Variants in ANO3 observed in about 807,000 individuals in gnomAD.
ANO3 encodes the protein anoctamin 3.
In ANO3, 99 loss-of-function variants were observed where a neutral mutation model predicts 144.8. The ratio of observed to expected loss-of-function variants is 0.68; its 90% CI spans 0.58 to 0.81. The LOEUF (loss-of-function observed/expected upper bound fraction) is 0.81, where lower values mean the gene tolerates loss of function less well. Among genes scored for constraint, ANO3 ranks in the 30% least tolerant of loss-of-function variants. ANO3 has a pLI of 0.00. For missense variants in ANO3, 905 were observed against 1,202.2 expected (o/e 0.75, Z 3.66); for synonymous variants, 414 against 392.6 (o/e 1.05, Z -0.64).
intron 14 of ANO3, chr11:26,561,107 G>T (rs1269962039): frequency 6.2e-7 from 1 of 1,612,240 alleles, no homozygotes; most frequent in Non-Finnish European, 8.5e-7. Context: ...CCATAGGAAT[G>T]CCATCACGTG....
At chr11:26,414,757 TTAA>T (rs1348627189) in intron 1 of ANO3, among the ~76,000 whole-genome samples, 33 of 79,536 alleles carry the variant, frequency 4.1e-4, no homozygotes, top group Admixed American at 5.3e-4. Flanking sequence ...TACAGTAAAG[TTAA>T]AAAAAAAAAA....
At chr11:26,605,826 C>A (rs528203907) in intron 17 of ANO3, among the ~76,000 whole-genome samples, 16 of 151,914 alleles carry the variant, frequency 1.1e-4, no homozygotes, top group Non-Finnish European at 2.2e-4. Flanking sequence ...ATTCTTCTCT[C>A]TTTTCGTCTT....
intron 4 of ANO3, among the ~76,000 whole-genome samples, chr11:26,503,592 A>G (rs966644378): frequency 6.6e-6 from 1 of 152,148 alleles, no homozygotes; most frequent in Non-Finnish European, 1.5e-5. Context: ...TCTACTTTTT[A>G]TCGTGTCTGT....
intron 1 of ANO3, among the ~76,000 whole-genome samples, chr11:26,362,961 C>T (rs1855966941): frequency 6.6e-6 from 1 of 152,110 alleles, no homozygotes; most frequent in Non-Finnish European, 1.5e-5. Flanking sequence ...TCCAAATATA[C>T]ATGTGTCAGT....
chr11:26,610,308 A>ATTT (rs34715952), intron 17 of ANO3, among the ~76,000 whole-genome samples: 21,162 of 129,952 alleles, frequency 0.16, 2,057 homozygotes, highest in Non-Finnish European at 0.23. Flanking sequence ...GATGTTGAGC[A>ATTT]TTTTTTTTTT....
intron 3 of ANO3, among the ~76,000 whole-genome samples, chr11:26,462,418 C>T (rs1356968884): frequency 1.3e-5 from 2 of 151,790 alleles, no homozygotes; most frequent in Non-Finnish European, 1.5e-5. Context: ...ATTCATTGTT[C>T]ATGTACATCC....
At chr11:26,413,419 A>G (rs1347619217) in intron 1 of ANO3, among the ~76,000 whole-genome samples, 1 of 152,022 alleles carries the variant, frequency 6.6e-6, no homozygotes, top group East Asian at 1.9e-4. Flanking sequence ...AAACTCTTAT[A>G]TGAAGATAAC....
At chr11:26,601,112 A>G (rs897195281) in intron 17 of ANO3, among the ~76,000 whole-genome samples, 53 of 152,340 alleles carry the variant, frequency 3.5e-4, no homozygotes, top group African/African-American at 1.3e-3. Context: ...TGAAACTGAG[A>G]TTCAAAGAGC....
At chr11:26,544,428 G>C (rs1849734854) in intron 11 of ANO3, among the ~76,000 whole-genome samples, 1 of 150,722 alleles carries the variant, frequency 6.6e-6, no homozygotes, top group African/African-American at 2.4e-5. Flanking sequence ...GTTACCGAAG[G>C]CTAGGGGTGG....
chr11:26,328,569 A>G (rs1243044305), upstream of ANO3, among the ~76,000 whole-genome samples: 2 of 152,202 alleles, frequency 1.3e-5, no homozygotes, highest in African/African-American at 4.8e-5. Flanking sequence ...TCAAAGGAAT[A>G]AAAAGTCTCC....
intron 4 of ANO3, among the ~76,000 whole-genome samples, chr11:26,481,319 G>A (rs1187226609): frequency 6.6e-6 from 1 of 151,974 alleles, no homozygotes; most frequent in Admixed American, 6.6e-5. Flanking sequence ...AGGAGGAGGA[G>A]GAGAGCAAGA....
chr11:26,618,828 G>A lies in ANO3; in HGVS notation c.1837-5634G>A, dbSNP rs865890903. On this transcript the variant is annotated intron_variant, in intron 17 of 26. Transcript: ENST00000256737. ...GCCATTCTTAATTTGTCTCCTTGGT[G>A]AATATCTCTTTATCTTTGAAAATTA... Among the ~76,000 whole-genome samples the A allele has an allele frequency of 2.0e-4, 30 of 152,226 alleles. 1 individual carries two copies. Among genetic ancestry groups the A allele is most frequent in the Middle Eastern group, 3.4e-3 (1 of 294 alleles).
chr11:26,261,942 G>A (rs975323402), intron 1 of ANO3, among the ~76,000 whole-genome samples: 2 of 152,198 alleles, frequency 1.3e-5, no homozygotes, highest in Admixed American at 1.3e-4. Context: ...AGCACCAGCT[G>A]TAAAAGGCTG....
At chr11:26,437,975 C>T (rs1858353926) in intron 1 of ANO3, among the ~76,000 whole-genome samples, 1 of 152,044 alleles carries the variant, frequency 6.6e-6, no homozygotes, top group African/African-American at 2.4e-5. Flanking sequence ...TGGAATTCAA[C>T]ATATTAAGAT....
rs148237644 is a variant in ANO3 at position 26,341,859 on chromosome 11, C to G, written c.46+9538C>G. On this transcript the variant is annotated intron_variant, in intron 1 of 26. Transcript: ENST00000256737. ...GAGTCTGATGTTCCAGGACAGGAAGCATCCAGCAAGGGAGAAAGATGAGGC... is the reference window on the plus strand; with the variant it reads ...GAGTCTGATGTTCCAGGACAGGAAGGATCCAGCAAGGGAGAAAGATGAGGC... 8.5e-3 allele frequency among the ~76,000 whole-genome samples: 1,301 copies of G among 152,266 alleles called. 9 individuals carry two copies. The highest frequency in any genetic ancestry group is 0.01 in the Non-Finnish European group (702 of 68,022).
intron 1 of ANO3, among the ~76,000 whole-genome samples, chr11:26,265,304 G>A (rs1375513179): frequency 6.6e-6 from 1 of 152,000 alleles, no homozygotes; most frequent in Non-Finnish European, 1.5e-5. Flanking sequence ...GACCCAGTAG[G>A]GTTATCACCT....
intron 1 of ANO3, among the ~76,000 whole-genome samples, chr11:26,262,626 G>A (rs531776332): frequency 6.6e-6 from 1 of 152,056 alleles, no homozygotes; most frequent in South Asian, 2.1e-4. Context: ...AACACCCAAT[G>A]TAATGGTATT....
chr11:26,408,832 G>A (rs1265436030), intron 1 of ANO3, among the ~76,000 whole-genome samples: 1 of 151,726 alleles, frequency 6.6e-6, no homozygotes, highest in Non-Finnish European at 1.5e-5. Context: ...GTAGGGACAT[G>A]GATGAAACTG....
At chr11:26,609,757 T>TA (rs1852041120) in intron 17 of ANO3, among the ~76,000 whole-genome samples, 1 of 152,166 alleles carries the variant, frequency 6.6e-6, no homozygotes, top group Admixed American at 6.5e-5. Context: ...ATATACCCAG[T>TA]AGTGAGATTG....
Sources: allele counts gnomAD v4.1 joint callset (sites outside exome capture counted in the v4.1 genomes callset), GRCh38; gene constraint gnomAD v4.1.1; transcripts MANE v1.5; gene names NCBI Gene and HGNC (gene_info 2026-07-23, HGNC 2026-07-21).